The following SPARCL1 variants were observed in gnomAD, a reference collection of about 807,000 sequenced individuals.
SPARCL1 encodes the protein SPARC-like protein 1.
A neutral mutation model predicts 67.1 loss-of-function variants in SPARCL1; 52 were observed. That is an observed-to-expected ratio of 0.78 (90% CI 0.62 to 0.98). SPARCL1 has a LOEUF of 0.98. Among genes scored for constraint, SPARCL1 ranks in the 50% least tolerant of loss-of-function variants. SPARCL1 has a pLI of 0.00. For missense variants in SPARCL1, 717 were observed against 782.4 expected, an observed-to-expected ratio of 0.92 and a Z score of 1.00; for synonymous variants, 226 against 267.8, an observed-to-expected ratio of 0.84 and a Z score of 1.52.
chr4:87,519,464 T>G (rs984287120), intron 1 of SPARCL1, among the ~76,000 whole-genome samples: 1 of 152,218 alleles, frequency 6.6e-6, no homozygotes, highest in African/African-American at 2.4e-5. Flanking sequence ...TTAGGGCCAC[T>G]TTGAATGGTG....
intron 1 of SPARCL1, among the ~76,000 whole-genome samples, chr4:87,517,923 C>A (rs1317476619): frequency 3.9e-5 from 6 of 152,168 alleles, no homozygotes; most frequent in Non-Finnish European, 8.8e-5. Flanking sequence ...CTTTGATGAG[C>A]ATTTAGTTCT....
At chr4:87,527,207 G>A (rs1203358907) in intron 1 of SPARCL1, among the ~76,000 whole-genome samples, 3 of 152,168 alleles carry the variant, frequency 2.0e-5, no homozygotes, top group Non-Finnish European at 4.4e-5. Flanking sequence ...CGCTAACTCA[G>A]CCTTTGGCAG....
chr4:87,491,589 C>T (rs1460479952), intron 5 of SPARCL1, 29 bp downstream of exon 5: 5 of 1,573,638 alleles, frequency 3.2e-6, no homozygotes, highest in Non-Finnish European at 4.4e-6. Flanking sequence ...TTGATATAGT[C>T]ACAAACAGCT....
At chr4:87,494,644 C>T (rs1724541732) in intron 3 of SPARCL1, 46 bp from the exon 4 acceptor site, 2 of 1,416,312 alleles carry the variant, frequency 1.4e-6, no homozygotes, top group Non-Finnish European at 1.9e-6. Context: ...GATAATGTAA[C>T]CATATTTATG....
At chr4:87,481,213 C>G (rs530493751) in intron 8 of SPARCL1, among the ~76,000 whole-genome samples, 1 of 152,190 alleles carries the variant, frequency 6.6e-6, no homozygotes, top group Non-Finnish European at 1.5e-5. Flanking sequence ...TTCCTGTGCT[C>G]CTAACCTAAG....
chr4:87,490,618 T>G (rs1184495671), intron 6 of SPARCL1, 142 bp downstream of exon 6: 1 of 761,372 alleles, frequency 1.3e-6, no homozygotes, highest in African/African-American at 1.8e-5. Flanking sequence ...GAATGAAAAC[T>G]GCAGATGTTC....
chr4:87,480,350 T>C lies in SPARCL1; in HGVS notation c.1817+22A>G. ...TTTATCAGAGAGATAAATCTAGAAA[T>C]GGAAAGGTAAAGAGTTCTTACCTAT... is the stretch of plus-strand genomic sequence containing the variant. On this transcript the variant is annotated intron_variant, in intron 9 of 10. Transcript: ENST00000282470. The C allele has an allele frequency of 2.6e-6, 4 of 1,531,672 alleles. No individual in the cohort carries two copies. In the South Asian group the frequency reaches 5.4e-5, roughly 21 times the overall value. The allele number at this position is 1,531,672 out of a possible 1,614,324, so 94.9% of individuals were successfully genotyped here.
In SPARCL1 at chr4:87,490,835, C is replaced by G. The variant is rs762683766; in HGVS notation, c.1335G>C (p.Lys445Asn). 6.2e-7 allele frequency: 1 copy of G among 1,612,164 alleles called. No individual in the cohort carries two copies. Among genetic ancestry groups the G allele is most frequent in the Non-Finnish European group, 8.5e-7 (1 of 1,179,046 alleles). ...SFQCKRGHICKADQQGKPHCV... is the reference protein window; with the variant it reads ...SFQCKRGHICNADQQGKPHCV... ...AGTGAGGTTTTCCCTGTTGGTCTGC[C>G]TTACAGATGTGGCCTCTTTTACACT... is the stretch of plus-strand genomic sequence containing the variant. The change falls in exon 6 of 11, where the codon AAG becomes AAC. Residue 445 changes from lysine to asparagine, a missense_variant. Coordinates refer to ENST00000282470, the MANE Select transcript of SPARCL1 (RefSeq NM_004684.6).
At chr4:87,479,655 ATT>A in intron 9 of SPARCL1, 77 bp from the exon 10 acceptor site, 1 of 1,423,026 alleles carries the variant, frequency 7.0e-7, no homozygotes, top group South Asian at 1.3e-5. Context: ...CACCAAGGAC[ATT>A]TTTCTCCCAT....
At position 87,491,635 on chromosome 4, in the gene SPARCL1, A is replaced by G. The variant is rs781576399; in HGVS notation, c.1274T>C (p.Met425Thr). The G allele has an allele frequency of 8.7e-6, 14 of 1,613,438 alleles. No homozygotes were observed. In the South Asian group the frequency reaches 1.5e-4, roughly 18 times the overall value. The change falls in exon 5 of 11, where the codon ATG becomes ACG. Residue 425 changes from methionine (M) to threonine (T), a missense_variant. Coordinates refer to ENST00000282470, the MANE Select transcript of SPARCL1 (RefSeq NM_004684.6). Reference protein sequence around the residue: ...NEEETSSEGNMRVHAVDSCMS... With the variant: ...NEEETSSEGNTRVHAVDSCMS... ...ATACTCACCCACAGCATGCACCCTC[A>G]TGTTGCCTTCACTTGACGTTTCCTC... is the stretch of plus-strand genomic sequence containing the variant.
At chr4:87,491,403 A>G (rs1724319868) in intron 5 of SPARCL1, among the ~76,000 whole-genome samples, 1 of 152,144 alleles carries the variant, frequency 6.6e-6, no homozygotes, top group Non-Finnish European at 1.5e-5. Flanking sequence ...TAATATCTCA[A>G]CAGGGCTTCC....
At chr4:87,514,316 T>C (rs1169959890) in intron 1 of SPARCL1, among the ~76,000 whole-genome samples, 1 of 152,212 alleles carries the variant, frequency 6.6e-6, no homozygotes, top group Non-Finnish European at 1.5e-5. Flanking sequence ...GTATGGAAGA[T>C]ATTTTAAGGC....
chr4:87,528,073 T>G (rs1178492627), intron 1 of SPARCL1: 1 of 152,196 alleles, frequency 6.6e-6, no homozygotes, highest in Non-Finnish European at 1.5e-5. Flanking sequence ...GTGACATATT[T>G]AACCTCTTTG....
chr4:87,503,090 G>T (rs1724915730), intron 1 of SPARCL1, among the ~76,000 whole-genome samples: 1 of 152,170 alleles, frequency 6.6e-6, no homozygotes, highest in Non-Finnish European at 1.5e-5. Context: ...ACCTGACATT[G>T]TGTTTATTCT....
chr4:87,485,368 G>A (rs576480460), intron 7 of SPARCL1, among the ~76,000 whole-genome samples: 10 of 152,028 alleles, frequency 6.6e-5, no homozygotes, highest in South Asian at 2.1e-4. Context: ...TGGCTTACAC[G>A]CATTGATTTG....
Position 87,506,166 on chromosome 4 carries a change from C to T in SPARCL1, c.-11-6581G>A, listed in dbSNP as rs930894993. On this transcript the variant is annotated intron_variant, in intron 1 of 10. Coordinates refer to ENST00000282470, the MANE Select transcript of SPARCL1 (RefSeq NM_004684.6). The stretch of plus-strand genomic sequence containing the variant: ...CCCTGATTGAGAACCATTGGTTTAG[C>T]GGAAGCAGACTGGTGCTTTCAGATT... Among the ~76,000 whole-genome samples, 6 of 152,252 alleles carry T rather than the reference C, an allele frequency of 3.9e-5. No homozygotes were observed. The East Asian group carries it at 5.8e-4, about 15-fold the overall frequency.
rs780919566 is a variant in SPARCL1, at chr4:87,480,476, G to C, written c.1713C>G (p.Asp571Glu). 8.1e-6 allele frequency: 13 copies of C among 1,612,642 alleles called. No individual in the cohort carries two copies. Among genetic ancestry groups the C allele is most frequent in the Non-Finnish European group, 1.0e-5 (12 of 1,179,380 alleles). ...YLDEKRLLAG[D>E]HPIDLLLRDF... ...CCCTTAAGAGAAGATCAATGGGATG[G>C]TCCCCAGCCAAAAGCCTCTTTTCAT... is the stretch of plus-strand genomic sequence containing the variant. Residue 571 changes from aspartate (D) to glutamate (E), a missense_variant, in exon 9 of 11, where the codon GAC (aspartate) becomes GAG (glutamate). Coordinates refer to ENST00000282470, the MANE Select transcript of SPARCL1 (RefSeq NM_004684.6).
intron 10 of SPARCL1, among the ~76,000 whole-genome samples, chr4:87,477,429 T>C (rs1480955348): frequency 6.6e-6 from 1 of 152,180 alleles, no homozygotes. Context: ...CCCCCTGTGG[T>C]CTCCTTCTCC....
chr4:87,504,156 T>TGTGA (rs1553970317), intron 1 of SPARCL1, among the ~76,000 whole-genome samples: 3 of 104,250 alleles, frequency 2.9e-5, no homozygotes, highest in African/African-American at 1.1e-4. Context: ...TGTGTGTGTG[T>TGTGA]GTGTGTGTGT....
Sources: gnomAD v4.1 joint callset for allele counts (sites outside exome capture counted in the v4.1 genomes callset) on GRCh38, gnomAD v4.1.1 for gene constraint, MANE v1.5 for transcripts, NCBI Gene and HGNC (gene_info 2026-07-23, HGNC 2026-07-21) for gene names.